The following MACROD2 variants were observed in gnomAD, a reference collection of about 807,000 sequenced individuals.
MACROD2 encodes ADP-ribose glycohydrolase MACROD2.
In MACROD2, 36 loss-of-function variants were observed where a neutral mutation model predicts 70.4. That is an observed-to-expected ratio of 0.51 (90% CI 0.39 to 0.68). MACROD2 has a LOEUF of 0.68. MACROD2 is among the 30% of genes least tolerant of loss of function. The pLI is 0.00. For missense variants in MACROD2, 496 were observed against 538.4 expected (o/e 0.92, Z 0.78); for synonymous variants, 172 against 178.8 (o/e 0.96, Z 0.30).
intron 8 of MACROD2, among the ~76,000 whole-genome samples, chr20:15,809,922 G>C (rs1270713049): frequency 5.6e-5 from 8 of 142,638 alleles, no homozygotes; most frequent in Non-Finnish European, 1.2e-4. Context: ...GTGCAGGTTT[G>C]TTACATATGT....
chr20:16,002,599 A>C (rs1267167207), intron 15 of MACROD2, among the ~76,000 whole-genome samples: 2 of 152,166 alleles, frequency 1.3e-5, no homozygotes, highest in Non-Finnish European at 2.9e-5. Context: ...GAGGCGATGA[A>C]ACAAGGAATA....
intron 7 of MACROD2, among the ~76,000 whole-genome samples, chr20:15,444,875 T>C (rs1348131343): frequency 3.3e-5 from 5 of 152,142 alleles, no homozygotes; most frequent in Non-Finnish European, 7.4e-5. Flanking sequence ...GCCTATATCA[T>C]GGGGTTGTTG....
intron 3 of MACROD2, among the ~76,000 whole-genome samples, chr20:14,430,702 G>A (rs914477696): frequency 2.0e-5 from 3 of 152,094 alleles, no homozygotes; most frequent in Non-Finnish European, 4.4e-5. Flanking sequence ...CCTATAGTGT[G>A]TCCAGATAAG....
chr20:14,100,453 AT>A (rs1300154171), intron 3 of MACROD2, among the ~76,000 whole-genome samples: 3 of 149,868 alleles, frequency 2.0e-5, no homozygotes, highest in East Asian at 3.9e-4. Flanking sequence ...TATCACATTA[AT>A]TTTTTTCCAA....
chr20:14,465,310 G>A lies in MACROD2; in HGVS notation c.272-28169G>A, dbSNP rs554310808. ...TGTAATGGCCTTCTTTGTCTCTTTTGATGTTTGTTGGTTTAAAGTCTGTTT... is the reference window on the plus strand; with the variant it reads ...TGTAATGGCCTTCTTTGTCTCTTTTAATGTTTGTTGGTTTAAAGTCTGTTT... On this transcript the variant is annotated intron_variant, in intron 3 of 17. Transcript: ENST00000684519. Among the ~76,000 whole-genome samples the A allele has an allele frequency of 3.3e-5, 5 of 152,086 alleles. No homozygotes were observed. The South Asian group carries it at 1.0e-3, about 32-fold the overall frequency.
At chr20:15,911,773 C>T (rs2065241080) in intron 10 of MACROD2, among the ~76,000 whole-genome samples, 1 of 152,208 alleles carries the variant, frequency 6.6e-6, no homozygotes, top group Non-Finnish European at 1.5e-5. Context: ...GAAAAGGATC[C>T]TGTGACTAAG....
At chr20:15,243,522 C>T (rs2077078197) in intron 6 of MACROD2, among the ~76,000 whole-genome samples, 1 of 152,136 alleles carries the variant, frequency 6.6e-6, no homozygotes, top group Non-Finnish European at 1.5e-5. Context: ...AACACACACA[C>T]ATACACACAC....
intron 5 of MACROD2, among the ~76,000 whole-genome samples, chr20:14,903,885 G>A (rs193210933): frequency 1.5e-4 from 23 of 152,288 alleles, no homozygotes; most frequent in South Asian, 8.3e-4. Context: ...GTTAAAGAAT[G>A]AAGAAGCGTG....
At chr20:15,153,708 A>T (rs774627032) in intron 5 of MACROD2, among the ~76,000 whole-genome samples, 34 of 152,172 alleles carry the variant, frequency 2.2e-4, no homozygotes, top group Non-Finnish European at 4.3e-4. Flanking sequence ...AAAGAAAAAT[A>T]ATCTATGTAG....
At chr20:14,946,455 G>A (rs2074433220) in intron 5 of MACROD2, among the ~76,000 whole-genome samples, 1 of 151,848 alleles carries the variant, frequency 6.6e-6, no homozygotes, top group Non-Finnish European at 1.5e-5. Context: ...AATACAAGGG[G>A]CATTATCAGG....
rs866321202 is a variant in MACROD2, at chr20:15,476,577, C to T, written c.572-23197C>T. On this transcript the variant is annotated intron_variant, in intron 7 of 17. Coordinates refer to ENST00000684519, the MANE Select transcript of MACROD2 (RefSeq NM_001351661.2). ...AAACTATATTGTTGTTTTGCCCCCCCCCGGTAAGTCTGTCAACTGAGCACA... is the reference window on the plus strand; with the variant it reads ...AAACTATATTGTTGTTTTGCCCCCCTCCGGTAAGTCTGTCAACTGAGCACA... Among the ~76,000 whole-genome samples the T allele has an allele frequency of 9.2e-5, 14 of 151,970 alleles. 1 individual carries two copies. Among genetic ancestry groups the T allele is most frequent in the Non-Finnish European group, 2.1e-4 (14 of 67,982 alleles).
intron 15 of MACROD2, among the ~76,000 whole-genome samples, chr20:16,040,492 A>G (rs2067293427): frequency 6.6e-6 from 1 of 152,040 alleles, no homozygotes; most frequent in African/African-American, 2.4e-5. Flanking sequence ...TAAAAACTTA[A>G]GAGAGATTTA....
chr20:14,654,545 C>CA (rs202212319), intron 4 of MACROD2, among the ~76,000 whole-genome samples: 876 of 83,584 alleles, frequency 0.01, 6 homozygotes, highest in Middle Eastern at 0.032. Context: ...GACTCCATCT[C>CA]AAAAAAAAAA....
intron 3 of MACROD2, among the ~76,000 whole-genome samples, chr20:14,450,456 C>T (rs1035666285): frequency 1.3e-5 from 2 of 152,210 alleles, no homozygotes; most frequent in African/African-American, 4.8e-5. Flanking sequence ...CCTCACAGCT[C>T]ACTGTGGCCT....
chr20:15,440,214 G>GA (rs1265669505), intron 7 of MACROD2, among the ~76,000 whole-genome samples: 1 of 152,070 alleles, frequency 6.6e-6, no homozygotes, highest in Non-Finnish European at 1.5e-5. Context: ...TGGAAAAAAA[G>GA]AAAAACTTTG....
intron 7 of MACROD2, among the ~76,000 whole-genome samples, chr20:15,449,810 T>C (rs1448750736): frequency 6.6e-6 from 1 of 152,038 alleles, no homozygotes; most frequent in African/African-American, 2.4e-5. Context: ...CTGACCAACG[T>C]AGTGAAAACC....
intron 5 of MACROD2, among the ~76,000 whole-genome samples, chr20:14,972,597 A>C (rs190938351): frequency 6.7e-4 from 102 of 152,302 alleles, no homozygotes; most frequent in African/African-American, 2.1e-3. Context: ...TAATGGTTTG[A>C]TATGTCCTAT....
intron 6 of MACROD2, among the ~76,000 whole-genome samples, chr20:15,266,683 A>AGTG (rs2077297723): frequency 1.3e-5 from 2 of 152,230 alleles, no homozygotes; most frequent in Admixed American, 6.5e-5. Context: ...ACTTCAGTGA[A>AGTG]TCCCCATCAC....
chr20:14,396,232 T>C (rs1345448794), intron 3 of MACROD2, among the ~76,000 whole-genome samples: 1 of 152,256 alleles, frequency 6.6e-6, no homozygotes, highest in African/African-American at 2.4e-5. Flanking sequence ...TCTATAAATA[T>C]CAAGTCAAGT....
Sources: gnomAD v4.1 joint callset for allele counts (sites outside exome capture counted in the v4.1 genomes callset) on GRCh38, gnomAD v4.1.1 for gene constraint, MANE v1.5 for transcripts, NCBI Gene and HGNC (gene_info 2026-07-23, HGNC 2026-07-21) for gene names.